The following GRIP1 variants were observed in gnomAD, a reference collection of about 807,000 sequenced individuals.
GRIP1 encodes glutamate receptor interacting protein 1.
A neutral mutation model predicts 129.9 loss-of-function variants in GRIP1; 45 were observed. That is an observed-to-expected ratio of 0.35 (90% CI 0.27 to 0.44). The LOEUF (loss-of-function observed/expected upper bound fraction) is 0.44, where lower values mean the gene tolerates loss of function less well. GRIP1 is among the 20% of genes least tolerant of loss of function. GRIP1 has a pLI of 1.00. For missense variants in GRIP1, 1,196 were observed against 1,396.8 expected, an observed-to-expected ratio of 0.86 and a Z score of 2.29; for synonymous variants, 530 against 520.8, an observed-to-expected ratio of 1.02 and a Z score of -0.24.
At chr12:66,878,775 T>C (rs1394587812) in intron 1 of GRIP1, among the ~76,000 whole-genome samples, 2 of 151,970 alleles carry the variant, frequency 1.3e-5, no homozygotes, top group South Asian at 2.1e-4. Context: ...TATAATATGT[T>C]ATAGAGGAAG....
intron 1 of GRIP1, among the ~76,000 whole-genome samples, chr12:66,868,800 T>C (rs1001580505): frequency 2.0e-5 from 3 of 152,102 alleles, no homozygotes; most frequent in Admixed American, 6.6e-5. Context: ...ATATTGGACA[T>C]AAATAAATCC....
At chr12:66,715,471 TGAGAGAGAGAGA>T (rs71447469) in intron 1 of GRIP1, among the ~76,000 whole-genome samples, 13 of 110,138 alleles carry the variant, frequency 1.2e-4, no homozygotes, top group South Asian at 3.1e-4. Context: ...TGTGTGTGTG[TGAGAGAGAGAGA>T]GAGAGAGAGA....
intron 1 of GRIP1, among the ~76,000 whole-genome samples, chr12:66,709,734 A>G (rs2035653207): frequency 6.6e-6 from 1 of 152,090 alleles, no homozygotes; most frequent in South Asian, 2.1e-4. Flanking sequence ...AAAAAAGTAA[A>G]TGTCAGTACT....
intron 1 of GRIP1, among the ~76,000 whole-genome samples, chr12:66,850,496 C>G (rs1410848741): frequency 6.6e-6 from 1 of 152,000 alleles, no homozygotes; most frequent in Non-Finnish European, 1.5e-5. Flanking sequence ...AAGAATGGAC[C>G]TCACATTTTC....
At chr12:66,487,220 T>A (rs2059979809) in intron 7 of GRIP1, among the ~76,000 whole-genome samples, 1 of 152,108 alleles carries the variant, frequency 6.6e-6, no homozygotes, top group Admixed American at 6.6e-5. Context: ...ATGTGAAGAT[T>A]TTTTAAAAAG....
intron 2 of GRIP1, among the ~76,000 whole-genome samples, chr12:66,593,903 C>T (rs973949097): frequency 2.0e-5 from 3 of 151,924 alleles, no homozygotes; most frequent in Admixed American, 6.6e-5. Flanking sequence ...CCCGTCTCTA[C>T]TAAAAATACA....
intron 1 of GRIP1, among the ~76,000 whole-genome samples, chr12:66,608,131 G>GGCA (rs2064621252): frequency 6.6e-6 from 1 of 152,134 alleles, no homozygotes; most frequent in East Asian, 1.9e-4. Flanking sequence ...TGCTGGATCA[G>GGCA]GCAATAGCAG....
chr12:66,894,377 G>T (rs2040711808), intron 1 of GRIP1, among the ~76,000 whole-genome samples: 2 of 152,102 alleles, frequency 1.3e-5, no homozygotes, highest in African/African-American at 4.8e-5. Context: ...CTTTCTGGAG[G>T]CCCCATTCTC....
chr12:66,568,150 T>C, intron 2 of GRIP1: 1 of 280,294 alleles, frequency 3.6e-6, no homozygotes, highest in Non-Finnish European at 7.1e-6. Flanking sequence ...GAACTGGTCC[T>C]TCTAAAACTA....
At chr12:66,679,112 T>C, upstream of GRIP1, 1 of 1,464,208 alleles carries the variant, frequency 6.8e-7, no homozygotes, top group South Asian at 1.4e-5. Context: ...CTACCACCCC[T>C]GCCTGCCACA....
At chr12:66,938,731 G>A (rs939758684) in intron 1 of GRIP1, among the ~76,000 whole-genome samples, 5 of 152,098 alleles carry the variant, frequency 3.3e-5, no homozygotes, top group Admixed American at 6.5e-5. Context: ...GGCCAAGGCG[G>A]GCAGATCACC....
intron 8 of GRIP1, 56 bp from the exon 9 acceptor site, chr12:66,463,149 C>T: frequency 7.5e-7 from 1 of 1,331,260 alleles, no homozygotes; most frequent in Non-Finnish European, 1.1e-6. Context: ...TGGAATCTGA[C>T]TTTCATGTCC....
At chr12:66,822,130 CTG>C (rs2039332017) in intron 1 of GRIP1, among the ~76,000 whole-genome samples, 1 of 152,176 alleles carries the variant, frequency 6.6e-6, no homozygotes, top group Non-Finnish European at 1.5e-5. Context: ...AAAGAGCTGA[CTG>C]TGAGAAGCTT....
intron 7 of GRIP1, among the ~76,000 whole-genome samples, chr12:66,480,799 C>T (rs1489239030): frequency 1.3e-5 from 2 of 152,118 alleles, no homozygotes; most frequent in Non-Finnish European, 2.9e-5. Flanking sequence ...CTGACAAAAA[C>T]AAGCAATGGG....
At chr12:66,956,616 TA>T (rs1209755956) in intron 1 of GRIP1, among the ~76,000 whole-genome samples, 2 of 152,220 alleles carry the variant, frequency 1.3e-5, no homozygotes, top group African/African-American at 4.8e-5. Flanking sequence ...AATAAATGTT[TA>T]GGAGAAGATA....
At chr12:66,936,426 CAAAAAAAAAAAA>C in intron 1 of GRIP1, among the ~76,000 whole-genome samples, 1 of 88,112 alleles carries the variant, frequency 1.1e-5, no homozygotes, top group East Asian at 3.2e-4. Flanking sequence ...ACCCTGTCTC[CAAAAAAAAAAAA>C]AAAAAAAAAG....
rs1334152242 is a variant in GRIP1 at position 66,672,367 on chromosome 12, T to C, written c.55+6483A>G. On this transcript the variant is annotated intron_variant, in intron 1 of 24. Coordinates refer to ENST00000359742, the MANE Select transcript of GRIP1 (RefSeq NM_001366722.1). Reference sequence around the variant, plus strand: ...TTTGCCTGAATTTAGGTGGTCATCATTGACTGAGACATCCAAGACCACTGC... The same window carrying C: ...TTTGCCTGAATTTAGGTGGTCATCACTGACTGAGACATCCAAGACCACTGC... 2.0e-5 allele frequency among the ~76,000 whole-genome samples: 3 copies of C among 152,186 alleles called. No homozygotes were observed. In the East Asian group the frequency reaches 5.8e-4, roughly 29 times the overall value.
rs147200555 is a variant in GRIP1, at chr12:67,040,673, G to A, written c.58+28377C>T. Among the ~76,000 whole-genome samples, 14 of 152,186 alleles carry A rather than the reference G, an allele frequency of 9.2e-5. No homozygotes were observed. In the East Asian group the frequency reaches 2.5e-3, roughly 27 times the overall value. The stretch of plus-strand genomic sequence containing the variant: ...TCATTCCTAAGGTTTCCTCAGCTGG[G>A]GAATGGAGACACCCAACTGACAGAG... On this transcript the variant is annotated intron_variant, in intron 1 of 1. Transcript: ENST00000643019.
At chr12:66,619,995 A>T (rs1372941621) in intron 1 of GRIP1, among the ~76,000 whole-genome samples, 1 of 152,178 alleles carries the variant, frequency 6.6e-6, no homozygotes, top group Non-Finnish European at 1.5e-5. Context: ...TTTCAGTGAG[A>T]CTTTACATCC....
Sources: allele counts gnomAD v4.1 joint callset (sites outside exome capture counted in the v4.1 genomes callset), GRCh38; gene constraint gnomAD v4.1.1; transcripts MANE v1.5; gene names NCBI Gene and HGNC (gene_info 2026-07-23, HGNC 2026-07-21).